CRISPLD2: variants seen among roughly 807,000 people sequenced by gnomAD.
The protein encoded by CRISPLD2 is cysteine-rich secretory protein LCCL domain-containing 2.
A neutral mutation model predicts 71.1 loss-of-function variants in CRISPLD2; 47 were observed. That is an observed-to-expected ratio of 0.66 (90% CI 0.52 to 0.84). CRISPLD2 has a LOEUF of 0.84. Among genes scored for constraint, CRISPLD2 ranks in the 40% least tolerant of loss-of-function variants. CRISPLD2 has a pLI of 0.00. For missense variants in CRISPLD2, 830 were observed against 651.1 expected (o/e 1.27, Z -2.99); for synonymous variants, 317 against 250.1 (o/e 1.27, Z -2.52).
chr16:84,904,579 G>C (rs1447466953), intron 14 of CRISPLD2, among the ~76,000 whole-genome samples: 5 of 148,930 alleles, frequency 3.4e-5, no homozygotes, highest in African/African-American at 5.0e-5. Context: ...GCGAGACTCG[G>C]TCTCAAAAAA....
intron 1 of CRISPLD2, among the ~76,000 whole-genome samples, chr16:84,835,692 C>T (rs12716756): frequency 0.46 from 70,065 of 152,062 alleles, 16,501 homozygotes; most frequent in Admixed American, 0.52. Flanking sequence ...TTTCACTAAA[C>T]CCCGTGGTTC....
chr16:84,867,835 C>T (rs575276325), intron 7 of CRISPLD2, among the ~76,000 whole-genome samples: 4 of 152,318 alleles, frequency 2.6e-5, no homozygotes, highest in Non-Finnish European at 4.4e-5. Flanking sequence ...CCTTTTGGCT[C>T]CCTGGGCACC....
chr16:84,887,043 GA>G (rs1287163823), intron 13 of CRISPLD2, among the ~76,000 whole-genome samples: 2 of 152,114 alleles, frequency 1.3e-5, no homozygotes, highest in African/African-American at 4.8e-5. Context: ...TCCTATAAAT[GA>G]AATCATCCCA....
At chr16:84,855,209 G>A (rs1917204630) in intron 6 of CRISPLD2, among the ~76,000 whole-genome samples, 1 of 152,184 alleles carries the variant, frequency 6.6e-6, no homozygotes, top group African/African-American at 2.4e-5. Flanking sequence ...AGCACTTTGG[G>A]AGGCTGAGGC....
At chr16:84,898,084 C>G (rs1337785777) in intron 14 of CRISPLD2, among the ~76,000 whole-genome samples, 1 of 152,228 alleles carries the variant, frequency 6.6e-6, no homozygotes, top group Non-Finnish European at 1.5e-5. Flanking sequence ...GATTGACACT[C>G]AGATCGTTTC....
At chr16:84,879,727 A>T (rs1161021934) in intron 12 of CRISPLD2, among the ~76,000 whole-genome samples, 2 of 150,714 alleles carry the variant, frequency 1.3e-5, no homozygotes, top group East Asian at 3.9e-4. Context: ...CCTTCCTCCC[A>T]GCCCCTAAGA....
At chr16:84,877,189 C>T (rs908990338) in intron 11 of CRISPLD2, among the ~76,000 whole-genome samples, 1 of 152,224 alleles carries the variant, frequency 6.6e-6, no homozygotes, top group Admixed American at 6.5e-5. Flanking sequence ...GCACCATCAG[C>T]CCCACAGAGA....
At chr16:84,857,640 G>C (rs1917277533) in intron 6 of CRISPLD2, among the ~76,000 whole-genome samples, 2 of 152,202 alleles carry the variant, frequency 1.3e-5, no homozygotes, top group African/African-American at 4.8e-5. Flanking sequence ...CTAGAAAGGG[G>C]CTGTACTGCC....
intron 1 of CRISPLD2, among the ~76,000 whole-genome samples, chr16:84,827,516 G>A (rs924028423): frequency 2.0e-5 from 3 of 150,808 alleles, no homozygotes; most frequent in Non-Finnish European, 4.4e-5. Flanking sequence ...GACCCCTTCT[G>A]AGCCTTTGTC....
intron 5 of CRISPLD2, 88 bp downstream of exon 5, chr16:84,850,771 C>G (rs949157896): frequency 4.0e-6 from 4 of 990,292 alleles, no homozygotes; most frequent in Non-Finnish European, 6.5e-6. Context: ...GCTTGAGCAG[C>G]GAAGTCTTTA....
At chr16:84,889,450 C>A in intron 14 of CRISPLD2, 87 bp downstream of exon 14, 1 of 1,398,004 alleles carries the variant, frequency 7.2e-7, no homozygotes, top group Non-Finnish European at 9.6e-7. Context: ...AGAGTCATTA[C>A]CCTTTAAAAT....
chr16:84,829,614 G>C (rs933112203), intron 1 of CRISPLD2, among the ~76,000 whole-genome samples: 1 of 152,220 alleles, frequency 6.6e-6, no homozygotes, highest in African/African-American at 2.4e-5. Flanking sequence ...ATGGGTCTCA[G>C]CTGAGTGGTG....
Position 84,889,293 on chromosome 16 carries a change from G to T in CRISPLD2, c.1369G>T (p.Val457Leu). ...GVISNESGGD[V>L]DVMPVDKKKT... ...CATCAGCAACGAGAGTGGGGGTGAC[G>T]TGGACGTGATGCCCGTGGATAAAAA... is the stretch of plus-strand genomic sequence containing the variant. Residue 457 changes from valine (V) to leucine (L), a missense_variant, in exon 14 of 15, where the codon GTG becomes TTG. Transcript: ENST00000262424. 1 of 1,614,130 alleles carries T rather than the reference G, an allele frequency of 6.2e-7. No individual in the cohort carries two copies. The highest frequency in any genetic ancestry group is 1.3e-5 in the African/African-American group (1 of 75,034).
At chr16:84,833,374 G>A (rs546432149) in intron 1 of CRISPLD2, among the ~76,000 whole-genome samples, 1 of 152,270 alleles carries the variant, frequency 6.6e-6, no homozygotes, top group South Asian at 2.1e-4. Context: ...TTGCAACTCT[G>A]GCAAAAGAGA....
At position 84,873,954 on chromosome 16, in the gene CRISPLD2, A is replaced by G. The variant is rs1224751000; in HGVS notation, c.1147A>G (p.Lys383Glu). ...ACCTTCCAGCTCATTCATGGTGTCA[A>G]AAGTGAAAGGTAAGCTAGCCAGTCT... ...YKPSSSFMVS[K>E]VKVQDLDCYT... The change falls in exon 11 of 15, where the codon AAA (lysine) becomes GAA (glutamate). Residue 383 changes from lysine (K) to glutamate (E), a missense_variant. By Grantham distance (56) the Lys-to-Glu change is moderately conservative (BLOSUM62 1). Transcript: ENST00000262424. 6.2e-7 allele frequency: 1 copy of G among 1,603,906 alleles called. No homozygotes were observed. The highest frequency in any genetic ancestry group is 8.5e-7 in the Non-Finnish European group (1 of 1,177,086).
At chr16:84,889,419 AGGGG>A in intron 14 of CRISPLD2, 56 bp downstream of exon 14, 1 of 1,560,250 alleles carries the variant, frequency 6.4e-7, no homozygotes, top group Non-Finnish European at 8.7e-7. Flanking sequence ...ATGGTCCCTC[AGGGG>A]GCCTGGGAAG....
At position 84,883,743 on chromosome 16, in the gene CRISPLD2, G is replaced by A. The variant is rs189594638; in HGVS notation, c.1305+3159G>A. Among the ~76,000 whole-genome samples, 5 of 152,294 alleles carry A rather than the reference G, an allele frequency of 3.3e-5. No individual in the cohort carries two copies. In the East Asian group the frequency reaches 9.7e-4, roughly 29 times the overall value. ...AATCCCTTGGGAATTTTCTATTGTG[G>A]TGGTGACTATGACAATCATGGAGGT... is the stretch of plus-strand genomic sequence containing the variant. On this transcript the variant is annotated intron_variant, in intron 13 of 14. Transcript: ENST00000262424.
intron 14 of CRISPLD2, among the ~76,000 whole-genome samples, chr16:84,902,079 G>A (rs1470397200): frequency 2.0e-5 from 3 of 152,080 alleles, no homozygotes; most frequent in East Asian, 3.9e-4. Flanking sequence ...GATGACAGGC[G>A]TGAGCCACCG....
chr16:84,884,442 C>G (rs57558242), intron 13 of CRISPLD2, among the ~76,000 whole-genome samples: 33,257 of 152,094 alleles, frequency 0.22, 3,756 homozygotes, highest in Admixed American at 0.27. Context: ...TGGAGAAAGG[C>G]GGGGCTCTGG....
Sources: gnomAD v4.1 joint callset for allele counts (sites outside exome capture counted in the v4.1 genomes callset) on GRCh38, gnomAD v4.1.1 for gene constraint, MANE v1.5 for transcripts, NCBI Gene and HGNC (gene_info 2026-07-23, HGNC 2026-07-21) for gene names.